Variants in RGS20 observed in about 807,000 individuals in gnomAD.
RGS20 encodes the protein gz-selective GTPase-activating protein.
Under a neutral mutation model 33.6 loss-of-function variants are expected in RGS20, and 30 were observed. The ratio of observed to expected loss-of-function variants is 0.89; its 90% CI spans 0.67 to 1.21. The LOEUF is 1.21. RGS20 is among the 50% of genes most tolerant of loss of function. RGS20 has a pLI of 0.00. For synonymous variants in RGS20, 208 were observed against 197.9 expected, an observed-to-expected ratio of 1.05 and a Z score of -0.43; for missense variants, 472 against 502.4, an observed-to-expected ratio of 0.94 and a Z score of 0.58.
At chr8:53,880,457 A>C (rs1812330244) in intron 2 of RGS20, among the ~76,000 whole-genome samples, 1 of 151,596 alleles carries the variant, frequency 6.6e-6, no homozygotes, top group Non-Finnish European at 1.5e-5. Context: ...GGGAGAAGGT[A>C]GGGGGCTGCC....
chr8:53,919,311 A>G (rs1451373848), intron 2 of RGS20, among the ~76,000 whole-genome samples: 1 of 149,658 alleles, frequency 6.7e-6, no homozygotes, highest in Non-Finnish European at 1.5e-5. Flanking sequence ...TGTGACTTCC[A>G]TATATTTTTT....
chr8:53,905,935 C>T (rs1288306488), intron 2 of RGS20, among the ~76,000 whole-genome samples: 2 of 152,168 alleles, frequency 1.3e-5, no homozygotes, highest in African/African-American at 4.8e-5. Context: ...ACACTTTATG[C>T]CTCCTGTCCC....
chr8:53,860,580 A>C (rs1324208390), intron 1 of RGS20, among the ~76,000 whole-genome samples: 1 of 146,864 alleles, frequency 6.8e-6, no homozygotes, highest in African/African-American at 2.6e-5. Flanking sequence ...TAACACCAGC[A>C]AACTGCCTCT....
At chr8:53,950,868 G>A (rs1357254893) in intron 4 of RGS20, among the ~76,000 whole-genome samples, 1 of 152,078 alleles carries the variant, frequency 6.6e-6, no homozygotes, top group East Asian at 1.9e-4. Flanking sequence ...GTCCACCTCA[G>A]CCTCCCAAAG....
intron 2 of RGS20, among the ~76,000 whole-genome samples, chr8:53,895,561 G>A (rs1812834139): frequency 6.6e-6 from 1 of 152,028 alleles, no homozygotes; most frequent in African/African-American, 2.4e-5. Context: ...TTATGACAGG[G>A]GTCAGCAAAC....
chr8:53,948,155 A>G (rs1814581622), intron 4 of RGS20, among the ~76,000 whole-genome samples: 1 of 134,092 alleles, frequency 7.5e-6, no homozygotes, highest in East Asian at 2.1e-4. Context: ...TATAGTATAT[A>G]TATTTATATA....
rs1042417691 is a variant in RGS20, at chr8:53,924,065, C to T, written c.511-15511C>T. Among the ~76,000 whole-genome samples the T allele has an allele frequency of 2.7e-4, 41 of 151,676 alleles. 1 individual carries two copies. Among genetic ancestry groups the T allele is most frequent in the African/African-American group, 5.6e-4 (23 of 41,286 alleles). Reference sequence around the variant, plus strand: ...GAGTGTCTTGCTGTGTTGCCCAGGCCGGAGTGCAATGGAATGATTATAGTT... The same window carrying T: ...GAGTGTCTTGCTGTGTTGCCCAGGCTGGAGTGCAATGGAATGATTATAGTT... On this transcript the variant is annotated intron_variant, in intron 2 of 5. Transcript: ENST00000297313.
At chr8:53,941,314 A>C (rs1814291681) in intron 3 of RGS20, among the ~76,000 whole-genome samples, 1 of 152,220 alleles carries the variant, frequency 6.6e-6, no homozygotes, top group African/African-American at 2.4e-5. Context: ...AAAGTAACTG[A>C]AAACTCCGTC....
At chr8:53,910,255 G>A (rs749323222) in intron 2 of RGS20, among the ~76,000 whole-genome samples, 2 of 152,094 alleles carry the variant, frequency 1.3e-5, no homozygotes, top group African/African-American at 4.8e-5. Context: ...TATTTGAGGG[G>A]CTCTTGCTTC....
intron 4 of RGS20, among the ~76,000 whole-genome samples, chr8:53,948,065 T>C (rs1814575169): frequency 7.4e-6 from 1 of 134,244 alleles, no homozygotes; most frequent in Non-Finnish European, 1.5e-5. Flanking sequence ...ATATAGTATA[T>C]ATATTTATAT....
At chr8:53,879,992 T>A in intron 2 of RGS20, 1 of 216,164 alleles carries the variant, frequency 4.6e-6, no homozygotes, top group Non-Finnish European at 9.1e-6. Context: ...TCCCCTGCCC[T>A]CTCGGCAGGC....
At chr8:53,946,874 T>A (rs1437253978) in intron 4 of RGS20, 126 bp downstream of exon 3, 11 of 693,790 alleles carry the variant, frequency 1.6e-5, no homozygotes, top group Non-Finnish European at 2.5e-5. Context: ...TATCCAATCA[T>A]TATGTGGCCT....
chr8:53,909,243 A>G (rs1585910830), intron 2 of RGS20, among the ~76,000 whole-genome samples: 2 of 132,328 alleles, frequency 1.5e-5, no homozygotes, highest in South Asian at 2.5e-4. Context: ...ATATATATAT[A>G]TATATATATA....
intron 2 of RGS20, among the ~76,000 whole-genome samples, chr8:53,894,405 A>C (rs573590762): frequency 6.6e-6 from 1 of 152,302 alleles, no homozygotes; most frequent in South Asian, 2.1e-4. Flanking sequence ...TCTCCCATGC[A>C]CATCCTAGGA....
At chr8:53,922,230 C>T (rs933831531) in intron 2 of RGS20, among the ~76,000 whole-genome samples, 1 of 152,018 alleles carries the variant, frequency 6.6e-6, no homozygotes, top group Non-Finnish European at 1.5e-5. Context: ...CTTCCTGAGA[C>T]GTTAGCTCTT....
chr8:53,934,247 C>G (rs1429034901), intron 2 of RGS20, among the ~76,000 whole-genome samples: 2 of 152,160 alleles, frequency 1.3e-5, no homozygotes, highest in African/African-American at 2.4e-5. Flanking sequence ...GGATCAAATT[C>G]ACACATAACA....
At chr8:53,927,350 C>T (rs1179246025) in intron 2 of RGS20, among the ~76,000 whole-genome samples, 10 of 151,860 alleles carry the variant, frequency 6.6e-5, no homozygotes, top group African/African-American at 7.3e-5. Context: ...ACTACAGGCG[C>T]GCGCCACCAT....
At chr8:53,858,503 C>A (rs59781616) in intron 1 of RGS20, among the ~76,000 whole-genome samples, 4 of 148,920 alleles carry the variant, frequency 2.7e-5, no homozygotes, top group Non-Finnish European at 6.0e-5. Context: ...TATATATATA[C>A]ACACACACAC....
chr8:53,925,112 C>T (rs1813757298), intron 2 of RGS20, among the ~76,000 whole-genome samples: 1 of 152,158 alleles, frequency 6.6e-6, no homozygotes, highest in South Asian at 2.1e-4. Flanking sequence ...ATTTACACTG[C>T]CATTGCGTTT....
Sources: allele counts gnomAD v4.1 joint callset (sites outside exome capture counted in the v4.1 genomes callset), GRCh38; gene constraint gnomAD v4.1.1; transcripts MANE v1.5; gene names NCBI Gene and HGNC (gene_info 2026-07-23, HGNC 2026-07-21).